The following ZNF407 variants were observed in gnomAD, a reference collection of about 807,000 sequenced individuals.
ZNF407 encodes zinc finger protein 407.
Under a neutral mutation model 131.2 loss-of-function variants are expected in ZNF407, and 17 were observed. That is an observed-to-expected ratio of 0.13 (90% CI 0.09 to 0.19). The LOEUF is 0.19. Ranked by LOEUF, ZNF407 falls within the 10% of genes least tolerant of loss-of-function variation. ZNF407 has a pLI of 1.00. For missense variants in ZNF407, 2,681 were observed against 2,830.6 expected (o/e 0.95, Z 1.20); for synonymous variants, 1,156 against 1,062.0 (o/e 1.09, Z -1.72).
intron 8 of ZNF407, among the ~76,000 whole-genome samples, chr18:75,042,371 G>A (rs1247105956): frequency 2.0e-5 from 3 of 151,996 alleles, no homozygotes; most frequent in Non-Finnish European, 4.4e-5. Context: ...GGACAGATCA[G>A]GTTTGTTTTC....
intron 3 of ZNF407, among the ~76,000 whole-genome samples, chr18:74,764,731 A>G (rs1969189516): frequency 1.3e-5 from 2 of 152,194 alleles, no homozygotes; most frequent in African/African-American, 4.8e-5. Context: ...AAATCTGTGT[A>G]TAACTTTAAC....
chr18:74,916,364 G>A (rs1301720284), intron 7 of ZNF407, among the ~76,000 whole-genome samples: 7 of 122,350 alleles, frequency 5.7e-5, no homozygotes, highest in African/African-American at 2.7e-4. Flanking sequence ...GTGCGTGCAT[G>A]TGTGTGCTGG....
chr18:74,599,025 T>C (rs547007613), intron 1 of ZNF407, among the ~76,000 whole-genome samples: 21 of 152,334 alleles, frequency 1.4e-4, no homozygotes, highest in African/African-American at 5.1e-4. Context: ...GTAGTATGTA[T>C]CTGTTTTGTG....
Position 75,060,771 on chromosome 18 carries a change from C to G in ZNF407, c.5429-2379C>G, listed in dbSNP as rs1044225547. Reference sequence around the variant, plus strand: ...CCGTCCGCCTCGGCCTCCCAAAGTGCTGGGATGACAGGCGTCGGCCACCGC... The same window carrying G: ...CCGTCCGCCTCGGCCTCCCAAAGTGGTGGGATGACAGGCGTCGGCCACCGC... On this transcript the variant is annotated intron_variant, in intron 8 of 8. Transcript: ENST00000299687. 6.5e-4 allele frequency among the ~76,000 whole-genome samples: 99 copies of G among 152,204 alleles called. 1 individual carries two copies. The highest frequency in any genetic ancestry group is 3.3e-4 in the Admixed American group (5 of 15,286).
intron 4 of ZNF407, among the ~76,000 whole-genome samples, chr18:74,860,120 A>G (rs1970916642): frequency 6.6e-6 from 1 of 152,172 alleles, no homozygotes; most frequent in Non-Finnish European, 1.5e-5. Flanking sequence ...AGCCTGGGCA[A>G]CATTACAAGA....
intron 8 of ZNF407, among the ~76,000 whole-genome samples, chr18:74,927,032 C>T (rs531268963): frequency 6.6e-6 from 1 of 152,280 alleles, no homozygotes; most frequent in South Asian, 2.1e-4. Context: ...TTTTCATTAG[C>T]TAGTAAGTAG....
Position 74,755,771 on chromosome 18 carries a change from T to TTCTTTCTTTCTTTCTC in ZNF407, c.4803-25654_4803-25653insTTCTTTCTTTCTCTCT, listed in dbSNP as rs1265035731. 9.7e-4 allele frequency among the ~76,000 whole-genome samples: 127 copies of TTCTTTCTTTCTTTCTC among 130,540 alleles called. 1 individual carries two copies. Among genetic ancestry groups the TTCTTTCTTTCTTTCTC allele is most frequent in the East Asian group, 1.6e-3 (7 of 4,460 alleles). 85.6% of individuals were successfully genotyped at this position (130,540 alleles called of 152,430 possible). A position where few individuals can be genotyped will look rare whatever the true frequency, so the allele number is the denominator to read the frequency against. On this transcript the variant is annotated intron_variant, in intron 3 of 8. Transcript: ENST00000299687. ...TTTCTTTCTTTCTTTCTTTCTTTCTTTCTCTCTCTCTCTTTCCTTCCTTCT... is the reference window on the plus strand; with the variant it reads ...TTTCTTTCTTTCTTTCTTTCTTTCTTTCTTTCTTTCTTTCTCTCTCTCTCTCTCTTTCCTTCCTTCT...
chr18:75,064,191 A>C lies in ZNF407; in HGVS notation c.6470A>C (p.Gln2157Pro). Residue 2157 changes from glutamine (Q) to proline (P), a missense_variant, in exon 9 of 9, where the codon CAG becomes CCG. By Grantham distance (76) the Gln-to-Pro change is moderately conservative. Around this residue, in one of 6 missense-constraint regions of ZNF407, gnomAD observed 620 missense variants for 583.1 expected, o/e 1.06. Transcript: ENST00000299687. ...VTEELVQAMV[Q>P]ESSGGFSEGT... is the part of the protein sequence containing the mutation. ...GAGGAGCTGGTCCAGGCCATGGTGCAGGAGTCCAGTGGCGGCTTCTCCGAG... is the reference window on the plus strand; with the variant it reads ...GAGGAGCTGGTCCAGGCCATGGTGCCGGAGTCCAGTGGCGGCTTCTCCGAG... The C allele has an allele frequency of 6.2e-7, 1 of 1,604,790 alleles. No individual in the cohort carries two copies. The highest frequency in any genetic ancestry group is 8.5e-7 in the Non-Finnish European group (1 of 1,176,082).
chr18:74,798,283 T>G (rs1013810505), intron 4 of ZNF407, among the ~76,000 whole-genome samples: 1 of 151,810 alleles, frequency 6.6e-6, no homozygotes. Context: ...AAATTGTTGA[T>G]TTTTTTAATT....
chr18:75,063,304 G>A lies in ZNF407; in HGVS notation c.5583G>A (p.Glu1861=). The change falls in exon 9 of 9, where the codon GAG becomes GAA. Residue 1861 remains glutamate, a synonymous_variant. Transcript: ENST00000299687. This position sits in a 1 kb window ranked among gnomAD's most constrained non-coding sequence, Gnocchi z 6.6. Reference sequence around the variant, plus strand: ...GCAGGAGGCCAGCGCCGCCCCCTGAGCAGGTGCAGCAGGTCATCATCTTCC... The same window carrying A: ...GCAGGAGGCCAGCGCCGCCCCCTGAACAGGTGCAGCAGGTCATCATCTTCC... ...RSSRRPAPPP[E]QVQQVIIFQG... is the part of the protein sequence containing the mutation. 3 of 1,613,676 alleles carry A rather than the reference G, an allele frequency of 1.9e-6. No individual in the cohort carries two copies. The highest frequency in any genetic ancestry group is 1.7e-6 in the Non-Finnish European group (2 of 1,179,866).
In ZNF407 at chr18:74,873,964, T is replaced by C. The variant is rs559237763; in HGVS notation, c.4878-3233T>C. Among the ~76,000 whole-genome samples the C allele has an allele frequency of 2.0e-5, 3 of 152,346 alleles. No individual in the cohort carries two copies. In the East Asian group the frequency reaches 5.8e-4, roughly 29 times the overall value. On this transcript the variant is annotated intron_variant, in intron 4 of 8. Transcript: ENST00000299687. Reference sequence around the variant, plus strand: ...TTTTGATTTCTCTTGCTTGTGACTTTGTTTCCTTTTGAAACCTTTAAGATC... The same window carrying C: ...TTTTGATTTCTCTTGCTTGTGACTTCGTTTCCTTTTGAAACCTTTAAGATC...
intron 3 of ZNF407, among the ~76,000 whole-genome samples, chr18:74,675,502 A>G (rs1332322257): frequency 6.6e-6 from 1 of 152,252 alleles, no homozygotes; most frequent in Non-Finnish European, 1.5e-5. Flanking sequence ...GAACACACAG[A>G]GACAGGCATC....
chr18:75,016,071 G>A (rs962251654), intron 8 of ZNF407, among the ~76,000 whole-genome samples: 1 of 152,024 alleles, frequency 6.6e-6, no homozygotes, highest in Non-Finnish European at 1.5e-5. Flanking sequence ...CCATCATAAT[G>A]TTATAATTAC....
At chr18:74,863,816 GC>G (rs1461852999) in intron 4 of ZNF407, among the ~76,000 whole-genome samples, 2 of 152,106 alleles carry the variant, frequency 1.3e-5, no homozygotes, top group Non-Finnish European at 2.9e-5. Flanking sequence ...GTTGGCTACA[GC>G]ATGTATTCTC....
chr18:74,705,883 C>T lies in ZNF407; in HGVS notation c.4802+64761C>T, dbSNP rs148413394. Among the ~76,000 whole-genome samples the T allele has an allele frequency of 5.3e-5, 8 of 152,252 alleles. 1 individual carries two copies. Among genetic ancestry groups the T allele is most frequent in the Non-Finnish European group, 7.4e-5 (5 of 68,008 alleles). On this transcript the variant is annotated intron_variant, in intron 3 of 8. Transcript: ENST00000299687. ...TGGTTACTATGTATAGATCAAAGAG[C>T]GGTCTACATTGTATCCTAGTACTCT...
chr18:74,798,535 A>G (rs934379620), intron 4 of ZNF407, among the ~76,000 whole-genome samples: 6 of 152,140 alleles, frequency 3.9e-5, no homozygotes, highest in Non-Finnish European at 8.8e-5. Context: ...AGAGGGATAT[A>G]TATGATGGTG....
intron 3 of ZNF407, among the ~76,000 whole-genome samples, chr18:74,691,815 C>T (rs564810339): frequency 4.6e-5 from 7 of 152,020 alleles, no homozygotes; most frequent in East Asian, 1.9e-4. Flanking sequence ...ATTTATGGGC[C>T]GAGTTTGTCA....
chr18:74,793,088 G>A (rs1969856123), intron 4 of ZNF407, among the ~76,000 whole-genome samples: 1 of 152,200 alleles, frequency 6.6e-6, no homozygotes, highest in Non-Finnish European at 1.5e-5. Flanking sequence ...CACTGTGACA[G>A]AGCTCTTAAC....
chr18:74,681,513 G>A (rs1489567285), intron 3 of ZNF407, among the ~76,000 whole-genome samples: 1 of 152,124 alleles, frequency 6.6e-6, no homozygotes, highest in Non-Finnish European at 1.5e-5. Context: ...AAGGTGCTGG[G>A]ATTACAGGCT....
Sources: gnomAD v4.1 joint callset for allele counts (sites outside exome capture counted in the v4.1 genomes callset) on GRCh38, gnomAD v4.1.1 for gene constraint, gnomAD v4.1.1 regional missense constraint, Gnocchi (gnomAD v3.1) non-coding constraint, MANE v1.5 for transcripts, NCBI Gene and HGNC (gene_info 2026-07-23, HGNC 2026-07-21) for gene names.